The following ZNF226 variants were observed in gnomAD, a reference collection of about 807,000 sequenced individuals.
ZNF226 encodes the protein Kruppel-associated box protein.
Under a neutral mutation model 11.4 loss-of-function variants are expected in ZNF226, and 6 were observed. The observed-to-expected ratio is 0.53, with a 90% CI of 0.29 to 1.04. The LOEUF (loss-of-function observed/expected upper bound fraction) is 1.04, where lower values mean the gene tolerates loss of function less well. Among genes scored for constraint, ZNF226 ranks in the 50% least tolerant of loss-of-function variants. The probability of loss-of-function intolerance (pLI) is 0.08; values close to 1 mark genes in which losing one functional copy is unlikely to be tolerated. For synonymous variants in ZNF226, 350 were observed against 322.8 expected, an observed-to-expected ratio of 1.08 and a Z score of -0.90; for missense variants, 1,058 against 956.5, an observed-to-expected ratio of 1.11 and a Z score of -1.40.
downstream of ZNF226, among the ~76,000 whole-genome samples, chr19:44,179,006 C>A (rs542598262): frequency 2.0e-4 from 30 of 152,004 alleles, no homozygotes; most frequent in Non-Finnish European, 1.6e-4. Context: ...ATGGTGAAAC[C>A]CTGTCTCTAC....
chr19:44,187,803 A>G, the ZNF226 span, among the ~76,000 whole-genome samples: 1 of 152,164 alleles, frequency 6.6e-6, no homozygotes, highest in African/African-American at 2.4e-5. The surrounding 1 kb of genome is among the most constrained non-coding windows in gnomAD (Gnocchi z 4.0). Flanking sequence ...ACTGCATCTC[A>G]TAAGTTTTGA....
the ZNF226 span, among the ~76,000 whole-genome samples, chr19:44,193,085 G>GTTT: frequency 6.6e-6 from 1 of 151,984 alleles, no homozygotes; most frequent in African/African-American, 2.4e-5. Flanking sequence ...TTTAAAATCA[G>GTTT]TTTATTTACC....
At chr19:44,166,663 C>A (rs1599714437) in intron 2 of ZNF226, 1 of 152,126 alleles carries the variant, frequency 6.6e-6, no homozygotes, top group South Asian at 2.1e-4. Context: ...TAGTTTAGTG[C>A]CTTTCTGTCA....
Position 44,176,131 on chromosome 19 carries a change from G to A in ZNF226, c.869G>A (p.Cys290Tyr), listed in dbSNP as rs1461750949. 8.1e-6 allele frequency: 13 copies of A among 1,614,190 alleles called. No homozygotes were observed. In the Middle Eastern group the frequency reaches 4.9e-4, roughly 61 times the overall value. ...LTCVERGKGFCYSPVLPVHQK... is the reference protein window; with the variant it reads ...LTCVERGKGFYYSPVLPVHQK... ...TGTGTTGAGCGTGGAAAAGGCTTCTGTTACAGCCCAGTTCTTCCTGTTCAT... is the reference window on the plus strand; with the variant it reads ...TGTGTTGAGCGTGGAAAAGGCTTCTATTACAGCCCAGTTCTTCCTGTTCAT... Residue 290 changes from cysteine to tyrosine, a missense_variant, in exon 6 of 6, where the codon TGT becomes TAT. Physicochemically the swap from Cys to Tyr is radical, Grantham distance 194. Transcript: ENST00000337433.
the ZNF226 span, among the ~76,000 whole-genome samples, chr19:44,185,521 T>C: frequency 2.0e-5 from 3 of 152,344 alleles, no homozygotes; most frequent in African/African-American, 7.2e-5. Context: ...CATCTTTTCA[T>C]GTACTTATTG....
chr19:44,199,322 G>A, the ZNF226 span, among the ~76,000 whole-genome samples: 4 of 150,266 alleles, frequency 2.7e-5, no homozygotes, highest in East Asian at 2.0e-4. Flanking sequence ...CTACAGGCAC[G>A]TGCCACCACA....
chr19:44,196,474 G>T, the ZNF226 span, among the ~76,000 whole-genome samples: 11 of 152,138 alleles, frequency 7.2e-5, no homozygotes, highest in African/African-American at 2.7e-4. Context: ...CCTCAGATAG[G>T]CACTGTTCTT....
chr19:44,186,742 G>A, the ZNF226 span, among the ~76,000 whole-genome samples: 1 of 151,956 alleles, frequency 6.6e-6, no homozygotes, highest in East Asian at 1.9e-4. Flanking sequence ...GGTAAGTTGG[G>A]CATCCTTGCC....
chr19:44,182,522 A>G (rs977647151), downstream of ZNF226, among the ~76,000 whole-genome samples: 4 of 152,236 alleles, frequency 2.6e-5, no homozygotes, highest in African/African-American at 9.6e-5. Context: ...GAGTGGATGT[A>G]TGTAAAGCCT....
the ZNF226 span, among the ~76,000 whole-genome samples, chr19:44,186,132 G>A: frequency 6.4e-4 from 98 of 152,008 alleles, no homozygotes; most frequent in African/African-American, 2.3e-3. Flanking sequence ...CCAGTACCAC[G>A]TCATGTTAAT....
At chr19:44,189,848 G>A in the ZNF226 span, among the ~76,000 whole-genome samples, 1 of 152,218 alleles carries the variant, frequency 6.6e-6, no homozygotes, top group Non-Finnish European at 1.5e-5. Context: ...TCTCGTTATA[G>A]CATCGGGTGG....
the ZNF226 span, among the ~76,000 whole-genome samples, chr19:44,189,800 G>A: frequency 6.6e-6 from 1 of 152,216 alleles, no homozygotes; most frequent in Non-Finnish European, 1.5e-5. Flanking sequence ...ACAGCATAAA[G>A]ACATCAACTT....
At chr19:44,183,470 CAA>C in the ZNF226 span, among the ~76,000 whole-genome samples, 1 of 151,538 alleles carries the variant, frequency 6.6e-6, no homozygotes, top group Non-Finnish European at 1.5e-5. Context: ...TTGTATGTGC[CAA>C]AAAAAATGAT....
chr19:44,186,726 A>G, the ZNF226 span, among the ~76,000 whole-genome samples: 1 of 152,062 alleles, frequency 6.6e-6, no homozygotes, highest in African/African-American at 2.4e-5. Flanking sequence ...TATGTCAAAT[A>G]GTAGTGGTAA....
chr19:44,182,769 C>G (rs578011626), downstream of ZNF226, among the ~76,000 whole-genome samples: 1 of 152,086 alleles, frequency 6.6e-6, no homozygotes, highest in Non-Finnish European at 1.5e-5. Context: ...CTGGTAGAGA[C>G]AAAATGAGTG....
downstream of ZNF226, among the ~76,000 whole-genome samples, chr19:44,181,234 T>A (rs1970902019): frequency 6.6e-6 from 1 of 152,024 alleles, no homozygotes; most frequent in South Asian, 2.1e-4. Context: ...TTTTAAAAGT[T>A]AGCTAGCCAT....
At chr19:44,172,394 A>G (rs1970204363) in intron 4 of ZNF226, 180 bp downstream of exon 4, 1 of 714,024 alleles carries the variant, frequency 1.4e-6, no homozygotes, top group Non-Finnish European at 2.1e-6. Flanking sequence ...TTTGTGTTTT[A>G]TAGAAGAACT....
chr19:44,183,821 T>C, the ZNF226 span, among the ~76,000 whole-genome samples: 7 of 152,228 alleles, frequency 4.6e-5, no homozygotes, highest in South Asian at 1.4e-3. Context: ...AGCCAATATG[T>C]GCCTTTTTCT....
chr19:44,194,517 A>T, the ZNF226 span, among the ~76,000 whole-genome samples: 1 of 151,998 alleles, frequency 6.6e-6, no homozygotes, highest in South Asian at 2.1e-4. Context: ...GGTTTCATGT[A>T]TTTCTCTCAT....
Sources: allele counts gnomAD v4.1 joint callset (sites outside exome capture counted in the v4.1 genomes callset), GRCh38; gene constraint gnomAD v4.1.1; non-coding constraint Gnocchi (gnomAD v3.1); transcripts MANE v1.5; gene names NCBI Gene and HGNC (gene_info 2026-07-23, HGNC 2026-07-21).